The following PACRG variants were observed in gnomAD, a reference collection of about 807,000 sequenced individuals.
PACRG encodes parkin coregulated gene protein.
Under a neutral mutation model 29.7 loss-of-function variants are expected in PACRG, and 29 were observed. The observed-to-expected ratio is 0.98, with a 90% CI of 0.73 to 1.33. The LOEUF (loss-of-function observed/expected upper bound fraction) is 1.33. PACRG is among the 40% of genes most tolerant of loss of function. The pLI, the probability that PACRG is intolerant of heterozygous loss-of-function variation, is 0.00. For missense variants in PACRG, 279 were observed against 316.2 expected, an observed-to-expected ratio of 0.88 and a Z score of 0.89; for synonymous variants, 116 against 118.7, an observed-to-expected ratio of 0.98 and a Z score of 0.15.
chr6:163,122,286 T>TACACACAC (rs57013650), intron 4 of PACRG, among the ~76,000 whole-genome samples: 7,874 of 151,090 alleles, frequency 0.052, 451 homozygotes, highest in East Asian at 0.13. Context: ...TTAACGCATT[T>TACACACAC]ACACACACAC....
chr6:162,901,596 A>G (rs1025394034), intron 2 of PACRG, among the ~76,000 whole-genome samples: 3 of 152,236 alleles, frequency 2.0e-5, no homozygotes, highest in African/African-American at 4.8e-5. Flanking sequence ...TAAAAATGAG[A>G]TAGAGATCAA....
intron 2 of PACRG, among the ~76,000 whole-genome samples, chr6:163,034,038 A>C (rs1264130951): frequency 1.3e-5 from 2 of 152,208 alleles, no homozygotes; most frequent in Non-Finnish European, 2.9e-5. Context: ...GGAGATAAAC[A>C]GTGATTTTTA....
At chr6:163,075,267 C>A (rs1328805091) in intron 3 of PACRG, among the ~76,000 whole-genome samples, 1 of 152,016 alleles carries the variant, frequency 6.6e-6, no homozygotes, top group Non-Finnish European at 1.5e-5. Context: ...ATTAAAATCC[C>A]CCACACAACA....
intron 2 of PACRG, among the ~76,000 whole-genome samples, chr6:162,820,540 A>G (rs1326780601): frequency 6.6e-6 from 1 of 152,188 alleles, no homozygotes; most frequent in East Asian, 1.9e-4. Context: ...GTGATGTGAT[A>G]CTCGATCCAT....
chr6:162,749,368 G>A (rs979548740), intron 1 of PACRG, among the ~76,000 whole-genome samples: 2 of 152,134 alleles, frequency 1.3e-5, no homozygotes, highest in Non-Finnish European at 2.9e-5. Context: ...GGCACATGAA[G>A]TTATTAATGG....
rs1297640542 is a variant in PACRG, at chr6:162,853,726, C to G, written c.291+39445C>G. On this transcript the variant is annotated intron_variant, in intron 2 of 4. Coordinates refer to ENST00000366888, the MANE Select transcript of PACRG (RefSeq NM_001080379.2). The surrounding 1 kb of genome is among the most constrained non-coding windows in gnomAD (Gnocchi z 4.7). ...CCATGATGCGTGTTTGTCTATGTAACAAACCTTCACATGTACCCCTAAACC... is the reference window on the plus strand; with the variant it reads ...CCATGATGCGTGTTTGTCTATGTAAGAAACCTTCACATGTACCCCTAAACC... 6.6e-6 allele frequency among the ~76,000 whole-genome samples: 1 copy of G among 152,208 alleles called. No homozygotes were observed. The highest frequency in any genetic ancestry group is 2.4e-5 in the African/African-American group (1 of 41,444).
At chr6:163,040,105 C>T (rs562565510) in intron 2 of PACRG, among the ~76,000 whole-genome samples, 3 of 152,328 alleles carry the variant, frequency 2.0e-5, no homozygotes, top group East Asian at 1.9e-4. Context: ...CTGCTCTGAG[C>T]GGCCCCAGGA....
At chr6:163,191,473 G>C (rs1390528034) in intron 4 of PACRG, 1 of 359,476 alleles carries the variant, frequency 2.8e-6, no homozygotes, top group Admixed American at 3.7e-5. Context: ...ACCACCCTTG[G>C]GGGAGGTCAC....
chr6:162,919,058 C>T (rs753208017), intron 2 of PACRG, among the ~76,000 whole-genome samples: 12 of 152,002 alleles, frequency 7.9e-5, no homozygotes, highest in Admixed American at 3.3e-4. Context: ...GCTCAAAAGG[C>T]AGAAAGGAGT....
At chr6:162,934,998 G>T (rs1182291460) in intron 2 of PACRG, among the ~76,000 whole-genome samples, 1 of 152,078 alleles carries the variant, frequency 6.6e-6, no homozygotes, top group African/African-American at 2.4e-5. Flanking sequence ...TCAGTACTTT[G>T]AAGATATCAT....
At chr6:163,096,253 C>A (rs1242727206) in intron 4 of PACRG, among the ~76,000 whole-genome samples, 1 of 152,162 alleles carries the variant, frequency 6.6e-6, no homozygotes, top group African/African-American at 2.4e-5. Flanking sequence ...TAGCAGCACC[C>A]CAGGGTGCTG....
intron 1 of PACRG, among the ~76,000 whole-genome samples, chr6:162,755,565 A>G (rs1781849512): frequency 6.6e-6 from 1 of 152,032 alleles, no homozygotes; most frequent in Non-Finnish European, 1.5e-5. Flanking sequence ...CCTCCTGAGT[A>G]GCTGGGATTA....
intron 2 of PACRG, among the ~76,000 whole-genome samples, chr6:162,901,976 T>G (rs565856290): frequency 7.9e-5 from 12 of 152,194 alleles, no homozygotes; most frequent in East Asian, 3.8e-4. Flanking sequence ...TAAAGAACAA[T>G]GCCCAGGCGT....
chr6:163,058,226 A>G (rs1198461268), intron 2 of PACRG, among the ~76,000 whole-genome samples: 1 of 152,148 alleles, frequency 6.6e-6, no homozygotes, highest in Non-Finnish European at 1.5e-5. Context: ...AAGCAGGATT[A>G]CGTACATCCA....
intron 2 of PACRG, among the ~76,000 whole-genome samples, chr6:163,015,809 C>T (rs1032052781): frequency 1.4e-4 from 22 of 152,090 alleles, no homozygotes; most frequent in African/African-American, 5.3e-4. Flanking sequence ...ACTTCCTTCC[C>T]TATTTGGATG....
At chr6:163,256,129 C>A (rs1054748720) in intron 4 of PACRG, among the ~76,000 whole-genome samples, 2 of 152,100 alleles carry the variant, frequency 1.3e-5, no homozygotes, top group Non-Finnish European at 2.9e-5. Context: ...CTTTAATTTT[C>A]TTTTAGTTCA....
intron 1 of PACRG, among the ~76,000 whole-genome samples, chr6:162,734,163 TA>T (rs1285216719): frequency 2.6e-5 from 4 of 152,258 alleles, no homozygotes; most frequent in Non-Finnish European, 5.9e-5. Flanking sequence ...ATATAGATAT[TA>T]AATCTAGAAA....
intron 4 of PACRG, among the ~76,000 whole-genome samples, chr6:163,276,813 G>C (rs1179862258): frequency 2.0e-5 from 3 of 152,168 alleles, no homozygotes; most frequent in Admixed American, 6.5e-5. Flanking sequence ...CAATGACTCT[G>C]CTGGTGCCTT....
intron 2 of PACRG, among the ~76,000 whole-genome samples, chr6:162,961,959 T>C (rs9458681): frequency 0.16 from 23,572 of 152,026 alleles, 3,183 homozygotes; most frequent in African/African-American, 0.36. Flanking sequence ...AGTGCTCCAA[T>C]TATATATTTC....
Sources: allele counts gnomAD v4.1 joint callset (sites outside exome capture counted in the v4.1 genomes callset), GRCh38; gene constraint gnomAD v4.1.1; non-coding constraint Gnocchi (gnomAD v3.1); transcripts MANE v1.5; gene names NCBI Gene and HGNC (gene_info 2026-07-23, HGNC 2026-07-21).